OSBPL5: variants seen among roughly 807,000 people sequenced by gnomAD.
OSBPL5 encodes the protein oxysterol binding protein like 5.
In OSBPL5, 71 loss-of-function variants were observed where a neutral mutation model predicts 111.2. The observed-to-expected ratio is 0.64, with a 90% CI of 0.53 to 0.78. OSBPL5 has a LOEUF of 0.78. OSBPL5 is among the 30% of genes least tolerant of loss of function. OSBPL5 has a pLI of 0.00. For synonymous variants in OSBPL5, 549 were observed against 513.9 expected (o/e 1.07, Z -0.93); for missense variants, 1,210 against 1,189.3 (o/e 1.02, Z -0.26).
intron 2 of OSBPL5, 52 bp downstream of exon 2, chr11:3,128,961 C>A: frequency 7.0e-7 from 1 of 1,429,536 alleles, no homozygotes; most frequent in Non-Finnish European, 9.2e-7. Context: ...CGGGGTCACC[C>A]CACCGGGCCC....
intron 14 of OSBPL5, among the ~76,000 whole-genome samples, chr11:3,098,254 AC>A (rs1477790721): frequency 6.6e-6 from 1 of 151,822 alleles, no homozygotes; most frequent in African/African-American, 2.4e-5. Context: ...GATAAGAGAT[AC>A]GATGGAAACA....
At position 3,107,940 on chromosome 11, in the gene OSBPL5, A is replaced by G; in HGVS notation, c.697T>C (p.Cys233Arg). 1 of 1,598,260 alleles carries G rather than the reference A, an allele frequency of 6.3e-7. No individual in the cohort carries two copies. Among genetic ancestry groups the G allele is most frequent in the Non-Finnish European group, 8.5e-7 (1 of 1,179,556 alleles). ...FRAASESDGR[C>R]WLDALELALR... ...GCCAGCTCCAGGGCGTCCAGCCAGCAGCGACCTGCGGGGCACACGGGATGA... is the reference window on the plus strand; with the variant it reads ...GCCAGCTCCAGGGCGTCCAGCCAGCGGCGACCTGCGGGGCACACGGGATGA... The change falls in exon 8 of 22, where the codon TGC becomes CGC. Residue 233 changes from cysteine (C) to arginine (R), a missense_variant. Cys to Arg is a radical substitution (Grantham distance 180). Coordinates refer to ENST00000263650, the MANE Select transcript of OSBPL5 (RefSeq NM_020896.4). The surrounding 1 kb of genome is among the most constrained non-coding windows in gnomAD (Gnocchi z 6.1).
intron 1 of OSBPL5, among the ~76,000 whole-genome samples, chr11:3,139,170 C>A (rs1846036657): frequency 1.3e-5 from 2 of 152,234 alleles, no homozygotes. Flanking sequence ...TTCAGGGGAC[C>A]CTGGGGTGAC....
In OSBPL5 at chr11:3,107,340, C is replaced by A. The variant is rs1351932787; in HGVS notation, c.982G>T (p.Asp328Tyr). 1 of 1,613,956 alleles carries A rather than the reference C, an allele frequency of 6.2e-7. No individual in the cohort carries two copies. The highest frequency in any genetic ancestry group is 1.7e-5 in the Admixed American group (1 of 60,020). Reference protein sequence around the residue: ...DHSRKTESGSDQSETPGAPVR... With the variant: ...DHSRKTESGSYQSETPGAPVR... ...GGGGCCCCAGGGGTCTCTGACTGGT[C>A]GCTGCCACTCTCCGTCTTCCGGCTA... The change falls in exon 9 of 22, where the codon GAC becomes TAC. Residue 328 changes from aspartate (D) to tyrosine (Y), a missense_variant. By Grantham distance (160) the Asp-to-Tyr change is radical. Coordinates refer to ENST00000263650, the MANE Select transcript of OSBPL5 (RefSeq NM_020896.4). This position sits in a 1 kb window ranked among gnomAD's most constrained non-coding sequence, Gnocchi z 6.1.
rs754521552 is a variant in OSBPL5, at chr11:3,107,839, G to A, written c.798C>T (p.Asp266=). 1.9e-5 allele frequency: 30 copies of A among 1,611,794 alleles called. No homozygotes were observed. The highest frequency in any genetic ancestry group is 6.6e-5 in the South Asian group (6 of 91,088). Reference sequence around the variant, plus strand: ...GCCCACAGAGCGATGAGGGTGATGCGTCTGGCGAGGTCCCTGGCTCCCCGT... The same window carrying A: ...GCCCACAGAGCGATGAGGGTGATGCATCTGGCGAGGTCCCTGGCTCCCCGT... ...GRDGEPGTSP[D]ASPSSLCGLP... is the part of the protein sequence containing the mutation. The change falls in exon 8 of 22, where the codon GAC becomes GAT. Residue 266 remains aspartate, a synonymous_variant. Coordinates refer to ENST00000263650, the MANE Select transcript of OSBPL5 (RefSeq NM_020896.4). This position sits in a 1 kb window ranked among gnomAD's most constrained non-coding sequence, Gnocchi z 6.1.
At chr11:3,131,620 T>TATTCATCCACCC (rs1419107640) in intron 1 of OSBPL5, among the ~76,000 whole-genome samples, 1 of 24,788 alleles carries the variant, frequency 4.0e-5, no homozygotes, top group African/African-American at 1.3e-4. Context: ...TTCATCCATC[T>TATTCATCCACCC]GTCTATTCAT....
At chr11:3,096,075 G>A (rs560975837) in intron 14 of OSBPL5, among the ~76,000 whole-genome samples, 3 of 152,144 alleles carry the variant, frequency 2.0e-5, no homozygotes, top group Admixed American at 6.5e-5. Flanking sequence ...GGGACTAGGA[G>A]GAAATGAGTA....
intron 3 of OSBPL5, among the ~76,000 whole-genome samples, chr11:3,125,936 T>G (rs142173200): frequency 2.0e-5 from 3 of 151,034 alleles, no homozygotes; most frequent in African/African-American, 7.3e-5. Flanking sequence ...GAGCTGAGAT[T>G]GTGCCACTGC....
rs778978533 is a variant in OSBPL5, at chr11:3,105,578, C to A, written c.1060-1201G>T. Among the ~76,000 whole-genome samples, 2 of 152,162 alleles carry A rather than the reference C, an allele frequency of 1.3e-5. No individual in the cohort carries two copies. The highest frequency in any genetic ancestry group is 2.9e-5 in the Non-Finnish European group (2 of 68,016). The stretch of plus-strand genomic sequence containing the variant: ...CTGCCGTCTTCTCTACTGAGACTGT[C>A]TTGCCGTAGGTCCCCACCACTCCTC... On this transcript the variant is annotated intron_variant, in intron 9 of 21. Coordinates refer to ENST00000263650, the MANE Select transcript of OSBPL5 (RefSeq NM_020896.4). This position sits in a 1 kb window ranked among gnomAD's most constrained non-coding sequence, Gnocchi z 5.2.
Position 3,113,526 on chromosome 11 carries a change from G to T in OSBPL5, c.692-5581C>A, listed in dbSNP as rs1219132885. Reference sequence around the variant, plus strand: ...AAAAATTAGCCAGGTGTGTTGGCAGGCACCTGTAATCCCAGCTACTCGTGA... The same window carrying T: ...AAAAATTAGCCAGGTGTGTTGGCAGTCACCTGTAATCCCAGCTACTCGTGA... On this transcript the variant is annotated intron_variant, in intron 7 of 21. Coordinates refer to ENST00000263650, the MANE Select transcript of OSBPL5 (RefSeq NM_020896.4). This position sits in a 1 kb window ranked among gnomAD's most constrained non-coding sequence, Gnocchi z 4.8. Among the ~76,000 whole-genome samples, 1 of 152,026 alleles carries T rather than the reference G, an allele frequency of 6.6e-6. No homozygotes were observed. Among genetic ancestry groups the T allele is most frequent in the South Asian group, 2.1e-4 (1 of 4,824 alleles).
chr11:3,147,153 C>A (rs1038872815), intron 1 of OSBPL5, among the ~76,000 whole-genome samples: 5 of 152,126 alleles, frequency 3.3e-5, no homozygotes, highest in Non-Finnish European at 7.4e-5. Context: ...GGTGGGAGGG[C>A]TGCAAGGCCT....
chr11:3,103,618 G>A (rs1304568226), intron 10 of OSBPL5, among the ~76,000 whole-genome samples: 1 of 151,536 alleles, frequency 6.6e-6, no homozygotes, highest in African/African-American at 2.4e-5. Flanking sequence ...GTTCCCACCT[G>A]CTCCCTCTGC....
chr11:3,115,778 G>C (rs569833955), intron 7 of OSBPL5, among the ~76,000 whole-genome samples: 6 of 152,054 alleles, frequency 3.9e-5, no homozygotes, highest in Non-Finnish European at 8.8e-5. Flanking sequence ...TTATAGATTG[G>C]AATTTTGGAA....
At chr11:3,163,299 C>T (rs936844054) in intron 1 of OSBPL5, among the ~76,000 whole-genome samples, 5 of 152,168 alleles carry the variant, frequency 3.3e-5, no homozygotes, top group Admixed American at 1.3e-4. Context: ...TGTGTGCAAA[C>T]GTGTGCAGGC....
At chr11:3,159,011 A>G (rs1018016177) in intron 1 of OSBPL5, among the ~76,000 whole-genome samples, 1 of 152,122 alleles carries the variant, frequency 6.6e-6, no homozygotes, top group Non-Finnish European at 1.5e-5. Context: ...CCCAGCGAGG[A>G]GCAGCACCAC....
rs1242091195 is a variant in OSBPL5, at chr11:3,110,640, C to T, written c.692-2695G>A. Among the ~76,000 whole-genome samples, 2 of 152,174 alleles carry T rather than the reference C, an allele frequency of 1.3e-5. No homozygotes were observed. The highest frequency in any genetic ancestry group is 2.9e-5 in the Non-Finnish European group (2 of 68,042). ...CAAGCTGGGAACTGCTTAGGGCCAA[C>T]CTGCCTCCCATTCTATTCCAAGTCA... On this transcript the variant is annotated intron_variant, in intron 7 of 21. Coordinates refer to ENST00000263650, the MANE Select transcript of OSBPL5 (RefSeq NM_020896.4). The surrounding 1 kb of genome is among the most constrained non-coding windows in gnomAD (Gnocchi z 5.3).
rs748106984 is a variant in OSBPL5, at chr11:3,101,630, T to C, written c.1495A>G (p.Ser499Gly). The change falls in exon 13 of 22, where the codon AGC (serine) becomes GGC (glycine). Residue 499 changes from serine (S) to glycine (G), a missense_variant. Ser to Gly is a moderately conservative substitution (Grantham distance 56, BLOSUM62 0). Coordinates refer to ENST00000263650, the MANE Select transcript of OSBPL5 (RefSeq NM_020896.4). ...TAAAACCTGGACTTGGCTGTGATGC[T>C]GCCACTGATGCAGAAGCCGTCCTTC... Reference protein sequence around the residue: ...NRKDGFCISGSITAKSRFYGN... With the variant: ...NRKDGFCISGGITAKSRFYGN... 5.0e-6 allele frequency: 8 copies of C among 1,613,794 alleles called. No individual in the cohort carries two copies. Among genetic ancestry groups the C allele is most frequent in the Admixed American group, 1.7e-5 (1 of 60,000 alleles).
intron 20 of OSBPL5, 140 bp downstream of exon 20, chr11:3,090,418 C>G (rs1857016450): frequency 8.2e-6 from 10 of 1,225,470 alleles, no homozygotes; most frequent in Non-Finnish European, 1.1e-5. Flanking sequence ...CTGGGGGGCC[C>G]CTCAGGGCAG....
intron 7 of OSBPL5, among the ~76,000 whole-genome samples, chr11:3,111,961 G>GTGTGTGCA (rs1364086724): frequency 1.3e-5 from 2 of 148,898 alleles, no homozygotes; most frequent in Non-Finnish European, 3.0e-5. Context: ...AGCTGTGTGT[G>GTGTGTGCA]TGTGTGTGCA....
Sources: gnomAD v4.1 joint callset for allele counts (sites outside exome capture counted in the v4.1 genomes callset) on GRCh38, gnomAD v4.1.1 for gene constraint, Gnocchi (gnomAD v3.1) non-coding constraint, MANE v1.5 for transcripts, NCBI Gene and HGNC (gene_info 2026-07-23, HGNC 2026-07-21) for gene names.